The following DLGAP3 variants were observed in gnomAD, a reference collection of about 807,000 sequenced individuals.
DLGAP3 encodes the protein DLG associated protein 3.
DLGAP3 carries 17 observed loss-of-function variants against 81.2 expected under a neutral mutation model. The observed-to-expected ratio is 0.21, with a 90% confidence interval of 0.14 to 0.31. DLGAP3 has a LOEUF of 0.31. DLGAP3 is among the 10% of genes least tolerant of loss of function. DLGAP3 has a pLI of 1.00. For synonymous variants in DLGAP3, 577 were observed against 587.4 expected (o/e 0.98, Z 0.26); for missense variants, 1,124 against 1,388.0 (o/e 0.81, Z 3.02).
At chr1:34,914,577 C>G (rs1639688911) in intron 1 of DLGAP3, among the ~76,000 whole-genome samples, 1 of 152,206 alleles carries the variant, frequency 6.6e-6, no homozygotes, top group Non-Finnish European at 1.5e-5. Context: ...AGACGTGTGG[C>G]CTCAAGGAAG....
At position 34,869,031 on chromosome 1, in the gene DLGAP3, G is replaced by T; in HGVS notation, c.2059C>A (p.Leu687Met). 6.2e-7 allele frequency: 1 copy of T among 1,601,900 alleles called. No individual in the cohort carries two copies. Reference sequence around the variant, plus strand: ...GTGGCCAGGCCTGCCAGGCCCTCCAGCTCCAGGTCTGCCTGCACGCCAGCC... The same window carrying T: ...GTGGCCAGGCCTGCCAGGCCCTCCATCTCCAGGTCTGCCTGCACGCCAGCC... ...VTAGVQADLE[L>M]EGLAGLATVA... is the part of the protein sequence containing the mutation. The change falls in exon 9 of 12, where the codon CTG (leucine) becomes ATG (methionine). Residue 687 changes from leucine to methionine, a missense_variant. By Grantham distance (15) the Leu-to-Met change is conservative. Around this residue, in one of 9 missense-constraint regions of DLGAP3, gnomAD observed 379 missense variants for 455.7 expected, o/e 0.83. Coordinates refer to ENST00000373347, the MANE Select transcript of DLGAP3 (RefSeq NM_001080418.3).
chr1:34,900,751 CCAAA>C lies in DLGAP3; in HGVS notation c.1108-482_1108-479del, dbSNP rs1187443752. On this transcript the variant is annotated intron_variant, in intron 3 of 11. Transcript: ENST00000373347. The surrounding 1 kb of genome is among the most constrained non-coding windows in gnomAD (Gnocchi z 5.6). Reference sequence around the variant, plus strand: ...GTTGCAGAAAGAGCTCTCCCACAGTCCAAACAGAGGCTGGATTGTGGAGGGCCAG... The same window carrying C: ...GTTGCAGAAAGAGCTCTCCCACAGTCCAGAGGCTGGATTGTGGAGGGCCAG... Among the ~76,000 whole-genome samples the C allele has an allele frequency of 6.6e-6, 1 of 152,188 alleles. No individual in the cohort carries two copies. Among genetic ancestry groups the C allele is most frequent in the Non-Finnish European group, 1.5e-5 (1 of 68,046 alleles).
At chr1:34,891,072 C>T (rs531165019) in intron 5 of DLGAP3, among the ~76,000 whole-genome samples, 2 of 152,110 alleles carry the variant, frequency 1.3e-5, no homozygotes, top group South Asian at 2.1e-4. Context: ...GAAGAAAATA[C>T]GACTCTAAAG....
chr1:34,898,093 A>T (rs55656811), intron 5 of DLGAP3, among the ~76,000 whole-genome samples: 31,377 of 152,172 alleles, frequency 0.21, 3,435 homozygotes, highest in Middle Eastern at 0.26. Context: ...AGATTTCAAT[A>T]CACAGTTAGA....
chr1:34,885,028 C>G lies in DLGAP3; in HGVS notation c.1950G>C (p.Arg650Ser), dbSNP rs749836029. 3 of 1,613,516 alleles carry G rather than the reference C, an allele frequency of 1.9e-6. No individual in the cohort carries two copies. Among genetic ancestry groups the G allele is most frequent in the African/African-American group, 2.7e-5 (2 of 74,908 alleles). The change falls in exon 8 of 12, where the codon AGG becomes AGC. Residue 650 changes from arginine to serine, a missense_variant. This residue lies in a region of DLGAP3 where 379 missense variants were observed against 455.7 expected (regional missense o/e 0.83). Transcript: ENST00000373347. The stretch of plus-strand genomic sequence containing the variant: ...CAATAGAGTGGAACTCCCTCCGGCT[C>G]CTGTTCTCGGTGTCCGAATCTGAGA... Reference protein sequence around the residue: ...ETISDSDTENRSRREFHSIGV... With the variant: ...ETISDSDTENSSRREFHSIGV...
intron 5 of DLGAP3, among the ~76,000 whole-genome samples, chr1:34,898,146 T>C (rs772930622): frequency 3.9e-5 from 6 of 152,138 alleles, no homozygotes; most frequent in South Asian, 2.1e-4. Flanking sequence ...GCTGGAGATA[T>C]ACATTTGGTA....
intron 1 of DLGAP3, among the ~76,000 whole-genome samples, chr1:34,908,837 C>T (rs1639597127): frequency 6.6e-6 from 1 of 152,218 alleles, no homozygotes; most frequent in South Asian, 2.1e-4. Flanking sequence ...AGGGTGACCT[C>T]ACAGATACCA....
rs373728007 is a variant in DLGAP3, at chr1:34,868,590, G to A, written c.2485+15C>T. ...ATGGTCCCCAGAGTCCCCTTGTTCC[G>A]ATGCCGTGACTCACTCTCCTCGGGT... On this transcript the variant is annotated intron_variant, in intron 9 of 11. Coordinates refer to ENST00000373347, the MANE Select transcript of DLGAP3 (RefSeq NM_001080418.3). The surrounding 1 kb of genome is among the most constrained non-coding windows in gnomAD (Gnocchi z 7.5). 2.7e-5 allele frequency: 43 copies of A among 1,607,076 alleles called. No homozygotes were observed. The African/African-American group carries it at 4.4e-4, about 16-fold the overall frequency.
chr1:34,867,702 TG>T lies in DLGAP3; in HGVS notation c.2486-76del. The T allele has an allele frequency of 8.1e-7, 1 of 1,239,492 alleles. No homozygotes were observed. The highest frequency in any genetic ancestry group is 1.2e-6 in the Non-Finnish European group (1 of 844,588). The allele number at this position is 1,239,492 out of a possible 1,614,324, so 76.8% of individuals were successfully genotyped here. ...CAGCCTCCACGAAGTCTGCCCTGAA[TG>T]ACGCTGACCCCTCGGTTGCTTGGCA... is the stretch of plus-strand genomic sequence containing the variant. On this transcript the variant is annotated intron_variant, in intron 9 of 11. Coordinates refer to ENST00000373347, the MANE Select transcript of DLGAP3 (RefSeq NM_001080418.3). This position sits in a 1 kb window ranked among gnomAD's most constrained non-coding sequence, Gnocchi z 4.3.
intron 8 of DLGAP3, among the ~76,000 whole-genome samples, chr1:34,882,248 G>A (rs745503861): frequency 5.9e-5 from 9 of 152,116 alleles, no homozygotes; most frequent in South Asian, 4.1e-4. Context: ...AGGCCGAGGC[G>A]GGCTGATCAC....
chr1:34,892,459 G>C (rs1251048827), intron 5 of DLGAP3, among the ~76,000 whole-genome samples: 1 of 152,164 alleles, frequency 6.6e-6, no homozygotes, highest in East Asian at 1.9e-4. Flanking sequence ...AATATTTGGA[G>C]AGACAATAGC....
At chr1:34,875,321 G>A (rs1038811787) in intron 8 of DLGAP3, among the ~76,000 whole-genome samples, 5 of 152,186 alleles carry the variant, frequency 3.3e-5, no homozygotes, top group South Asian at 2.1e-4. Context: ...GCAGGTATGA[G>A]TAGGGTTGTC....
At position 34,904,298 on chromosome 1, in the gene DLGAP3, G is replaced by T; in HGVS notation, c.1086C>A (p.Ala362=). Residue 362 remains alanine (A), a synonymous_variant, in exon 3 of 12, where the codon GCC becomes GCA. Transcript: ENST00000373347. The surrounding 1 kb of genome is among the most constrained non-coding windows in gnomAD (Gnocchi z 8.1). The stretch of plus-strand genomic sequence containing the variant: ...TCACCTGCAGATAGTGATAAGTCCT[G>T]GCTTTGGCCTTGGTCTCCGGACCCA... The part of the protein sequence containing the change: ...GLLGPETKAK[A]RTYHYLQVPQ... 6.2e-7 allele frequency: 1 copy of T among 1,606,456 alleles called. No individual in the cohort carries two copies. The highest frequency in any genetic ancestry group is 1.1e-5 in the South Asian group (1 of 91,092).
intron 1 of DLGAP3, among the ~76,000 whole-genome samples, chr1:34,916,280 T>A (rs190925044): frequency 5.3e-5 from 8 of 152,344 alleles, no homozygotes; most frequent in African/African-American, 1.2e-4. Flanking sequence ...CAGGGAGGCA[T>A]GCAAGCAGAG....
At chr1:34,916,681 ATTTTATTTTATTTTATT>A (rs1205090739) in intron 1 of DLGAP3, among the ~76,000 whole-genome samples, 1 of 144,728 alleles carries the variant, frequency 6.9e-6, no homozygotes, top group Non-Finnish European at 1.5e-5. Context: ...ATTTTATTTT[ATTTTATTTTATTTTATT>A]TTATTTTATT....
At chr1:34,875,155 A>C (rs1639032223) in intron 8 of DLGAP3, among the ~76,000 whole-genome samples, 1 of 152,060 alleles carries the variant, frequency 6.6e-6, no homozygotes, top group African/African-American at 2.4e-5. Context: ...AATATAACTT[A>C]ATGGGTATGG....
chr1:34,890,253 T>C (rs369120055), intron 5 of DLGAP3, among the ~76,000 whole-genome samples: 10 of 152,338 alleles, frequency 6.6e-5, no homozygotes, highest in Middle Eastern at 6.8e-3. Flanking sequence ...ACCAGGCATA[T>C]TCCAACAGAA....
chr1:34,926,037 C>T lies in DLGAP3; in HGVS notation c.-135+3414G>A, dbSNP rs116785497. Among the ~76,000 whole-genome samples, 824 of 152,332 alleles carry T rather than the reference C, an allele frequency of 5.4e-3. 8 individuals are homozygous for T. The highest frequency in any genetic ancestry group is 0.018 in the African/African-American group (740 of 41,568). ...GCCTGTGGGCTGCTGTGTAAAAACA[C>T]ATGAACATGTCAGCTAGCCTGTATA... On this transcript the variant is annotated intron_variant, in intron 1 of 11. Coordinates refer to ENST00000373347, the MANE Select transcript of DLGAP3 (RefSeq NM_001080418.3).
chr1:34,906,476 C>T, intron 2 of DLGAP3, among the ~76,000 whole-genome samples: 1 of 152,284 alleles, frequency 6.6e-6, no homozygotes, highest in Admixed American at 6.5e-5. Context: ...CTGTGCATTC[C>T]ATCTGGCTGC....
Sources: gnomAD v4.1 joint callset for allele counts (sites outside exome capture counted in the v4.1 genomes callset) on GRCh38, gnomAD v4.1.1 for gene constraint, gnomAD v4.1.1 regional missense constraint, Gnocchi (gnomAD v3.1) non-coding constraint, MANE v1.5 for transcripts, NCBI Gene and HGNC (gene_info 2026-07-23, HGNC 2026-07-21) for gene names.